PPARG: variants seen among roughly 807,000 people sequenced by gnomAD.
PPARG encodes the protein peroxisome proliferator-activated receptor gamma.
PPARG carries 17 observed loss-of-function variants against 39.2 expected under a neutral mutation model. The observed-to-expected ratio is 0.43, with a 90% CI of 0.30 to 0.65. PPARG has a LOEUF of 0.65. Ranked by LOEUF, PPARG falls within the 30% of genes least tolerant of loss-of-function variation. The pLI, the probability that PPARG is intolerant of heterozygous loss-of-function variation, is 0.13. For synonymous variants in PPARG, 223 were observed against 215.7 expected (o/e 1.03, Z -0.30); for missense variants, 406 against 585.9 (o/e 0.69, Z 3.17).
At chr3:12,327,749 G>T (rs964190678) in intron 2 of PPARG, among the ~76,000 whole-genome samples, 1 of 152,070 alleles carries the variant, frequency 6.6e-6, no homozygotes, top group African/African-American at 2.4e-5. Context: ...AATATATTCA[G>T]ATCACAAAAA....
chr3:12,366,942 T>C (rs1297119354), intron 2 of PPARG, among the ~76,000 whole-genome samples: 1 of 152,222 alleles, frequency 6.6e-6, no homozygotes, highest in Non-Finnish European at 1.5e-5. Context: ...TCTGCTTTTA[T>C]ATTCTGAAAG....
intron 7 of PPARG, among the ~76,000 whole-genome samples, chr3:12,428,443 C>G (rs1206366999): frequency 1.3e-5 from 2 of 152,266 alleles, no homozygotes; most frequent in African/African-American, 2.4e-5. Context: ...AGAGAGGACC[C>G]TTGGCCCTGG....
chr3:12,362,536 TAA>T (rs2125121513), intron 2 of PPARG, among the ~76,000 whole-genome samples: 1 of 40,042 alleles, frequency 2.5e-5, no homozygotes, highest in East Asian at 9.7e-4. Flanking sequence ...AATAAATAAA[TAA>T]ATAAATAAAT....
intron 7 of PPARG, among the ~76,000 whole-genome samples, chr3:12,429,347 G>GT (rs975892220): frequency 6.6e-6 from 1 of 152,094 alleles, no homozygotes; most frequent in Non-Finnish European, 1.5e-5. Flanking sequence ...GTTAGTCCTT[G>GT]TTTGTATGAT....
intron 2 of PPARG, among the ~76,000 whole-genome samples, chr3:12,376,866 C>A (rs1341191095): frequency 6.6e-6 from 1 of 152,166 alleles, no homozygotes; most frequent in Non-Finnish European, 1.5e-5. Context: ...TGACTGCAAA[C>A]AAGAAAGATA....
chr3:12,432,752 A>G (rs1164436192), intron 7 of PPARG, among the ~76,000 whole-genome samples: 1 of 152,234 alleles, frequency 6.6e-6, no homozygotes, highest in Admixed American at 6.5e-5. Flanking sequence ...CCATGATTAA[A>G]AGCTATTTGA....
chr3:12,326,772 C>T (rs1574995672), intron 2 of PPARG, among the ~76,000 whole-genome samples: 1 of 151,256 alleles, frequency 6.6e-6, no homozygotes, highest in African/African-American at 2.4e-5. Context: ...CTGTTTGATT[C>T]TTGGGTAGAA....
At chr3:12,389,967 A>G (rs965370848) in intron 4 of PPARG, among the ~76,000 whole-genome samples, 3 of 152,170 alleles carry the variant, frequency 2.0e-5, no homozygotes. Flanking sequence ...AAAATACTGA[A>G]AAAGTACATT....
chr3:12,340,472 C>A (rs1026109714), intron 2 of PPARG, among the ~76,000 whole-genome samples: 2 of 152,090 alleles, frequency 1.3e-5, no homozygotes, highest in African/African-American at 2.4e-5. Flanking sequence ...AAAGTTACTT[C>A]TTGTCCAAGT....
Position 12,307,322 on chromosome 3 carries a change from TA to T in PPARG, c.-82-5057del, listed in dbSNP as rs972544079. Among the ~76,000 whole-genome samples the T allele has an allele frequency of 4.6e-5, 7 of 152,082 alleles. 1 individual carries two copies. Among genetic ancestry groups the T allele is most frequent in the Admixed American group, 3.3e-4 (5 of 15,272 alleles). On this transcript the variant is annotated intron_variant, in intron 1 of 7. Transcript: ENST00000651735. ...TTGAATCAGTCAGCTATGGTGGGGT[TA>T]GGGGACAGATCCGTGTATTTACTTG...
At position 12,379,744 on chromosome 3, in the gene PPARG, C is replaced by G. The variant is rs771085424; in HGVS notation, c.33C>G (p.Thr11=). The G allele has an allele frequency of 4.3e-6, 7 of 1,613,898 alleles. No individual in the cohort carries two copies. Among genetic ancestry groups the G allele is most frequent in the Middle Eastern group, 1.6e-4 (1 of 6,082 alleles). The part of the protein sequence containing the change: MVDTEMPFWP[T]NFGISSVDLS... ...ACACAGAGATGCCATTCTGGCCCAC[C>G]AACTTTGGGATCAGCTCCGTGGATC... The change falls in exon 3 of 8, where the codon ACC becomes ACG. Residue 11 remains threonine (T), a synonymous_variant. Coordinates refer to ENST00000651735, the MANE Select transcript of PPARG (RefSeq NM_138711.6).
Position 12,342,436 on chromosome 3 carries a change from C to T in PPARG, c.-9+29983C>T, listed in dbSNP as rs182724753. On this transcript the variant is annotated intron_variant, in intron 2 of 7. Coordinates refer to ENST00000651735, the MANE Select transcript of PPARG (RefSeq NM_138711.6). ...GTTGGAGCAAACCAACTATAAAGAA[C>T]ATTTGGGGTCAGCTGGGGAAATGTG... is the stretch of plus-strand genomic sequence containing the variant. Among the ~76,000 whole-genome samples, 40 of 152,218 alleles carry T rather than the reference C, an allele frequency of 2.6e-4. No individual in the cohort carries two copies. In the East Asian group the frequency reaches 5.0e-3, roughly 19 times the overall value.
intron 5 of PPARG, among the ~76,000 whole-genome samples, chr3:12,393,061 A>G (rs2050135136): frequency 6.6e-6 from 1 of 152,200 alleles, no homozygotes; most frequent in South Asian, 2.1e-4. Flanking sequence ...ATATTGCCTC[A>G]TGCATTAAAA....
chr3:12,352,653 G>T (rs1030892500), intron 2 of PPARG, among the ~76,000 whole-genome samples: 1 of 152,150 alleles, frequency 6.6e-6, no homozygotes, highest in African/African-American at 2.4e-5. Flanking sequence ...TGCTGAAATG[G>T]ATGGCTTTAC....
intron 6 of PPARG, among the ~76,000 whole-genome samples, chr3:12,415,982 G>T (rs531983145): frequency 1.3e-4 from 20 of 152,334 alleles, no homozygotes; most frequent in Admixed American, 4.6e-4. Flanking sequence ...GTTCAAGTGG[G>T]TATTTTCAAC....
At chr3:12,421,037 G>A (rs2051242365) in intron 7 of PPARG, among the ~76,000 whole-genome samples, 1 of 152,180 alleles carries the variant, frequency 6.6e-6, no homozygotes, top group African/African-American at 2.4e-5. Context: ...CATCCTGACA[G>A]CGCTCCTGGG....
At chr3:12,377,433 G>A (rs374574983) in intron 2 of PPARG, among the ~76,000 whole-genome samples, 21 of 152,040 alleles carry the variant, frequency 1.4e-4, no homozygotes, top group Admixed American at 5.2e-4. Flanking sequence ...AACTTTCTCC[G>A]CTTTAAGAAA....
chr3:12,294,280 T>A (rs1328393627), intron 1 of PPARG, among the ~76,000 whole-genome samples: 1 of 152,246 alleles, frequency 6.6e-6, no homozygotes, highest in Non-Finnish European at 1.5e-5. Flanking sequence ...AAGTCGCAGA[T>A]CTTCCTTGAA....
chr3:12,388,343 T>A (rs1224719127), intron 4 of PPARG, among the ~76,000 whole-genome samples: 3 of 152,132 alleles, frequency 2.0e-5, no homozygotes, highest in African/African-American at 4.8e-5. Context: ...TACCCTCAGT[T>A]CCAAGCTGTG....
Sources: gnomAD v4.1 joint callset for allele counts (sites outside exome capture counted in the v4.1 genomes callset) on GRCh38, gnomAD v4.1.1 for gene constraint, MANE v1.5 for transcripts, NCBI Gene and HGNC (gene_info 2026-07-23, HGNC 2026-07-21) for gene names.